SUGCT: variants seen among roughly 807,000 people sequenced by gnomAD.
SUGCT encodes succinyl-CoA:glutarate CoA-transferase.
SUGCT carries 41 observed loss-of-function variants against 55.0 expected under a neutral mutation model. The observed-to-expected ratio is 0.74, with a 90% confidence interval of 0.58 to 0.97. The LOEUF (loss-of-function observed/expected upper bound fraction) is 0.97. SUGCT is among the 50% of genes least tolerant of loss of function. The probability of loss-of-function intolerance (pLI) is 0.00; values close to 1 mark genes in which losing one functional copy is unlikely to be tolerated. For missense variants in SUGCT, 568 were observed against 547.8 expected (o/e 1.04, Z -0.37); for synonymous variants, 187 against 200.4 (o/e 0.93, Z 0.56).
At chr7:40,197,207 T>C (rs1786340915) in intron 6 of SUGCT, among the ~76,000 whole-genome samples, 1 of 152,162 alleles carries the variant, frequency 6.6e-6, no homozygotes, top group Non-Finnish European at 1.5e-5. Flanking sequence ...AGATCTCACT[T>C]TTTAAAATGT....
chr7:40,372,814 A>G (rs879865656), intron 9 of SUGCT, among the ~76,000 whole-genome samples: 5 of 152,106 alleles, frequency 3.3e-5, no homozygotes, highest in African/African-American at 4.8e-5. Context: ...TCTAAAACAA[A>G]TATGACTGAG....
Position 40,694,910 on chromosome 7 carries a change from G to A in SUGCT, c.1090-54524G>A, listed in dbSNP as rs138094554. 2.5e-3 allele frequency among the ~76,000 whole-genome samples: 375 copies of A among 152,252 alleles called. 2 individuals carry two copies. Among genetic ancestry groups the A allele is most frequent in the African/African-American group, 8.3e-3 (346 of 41,570 alleles). On this transcript the variant is annotated intron_variant, in intron 12 of 13. Coordinates refer to ENST00000335693, the MANE Select transcript of SUGCT (RefSeq NM_001193313.2). ...TGGCTAGAGATGTTTTGGGGGGATTGGATAGACCAGTATCACTTGGTGACC... is the reference window on the plus strand; with the variant it reads ...TGGCTAGAGATGTTTTGGGGGGATTAGATAGACCAGTATCACTTGGTGACC...
chr7:40,817,626 A>T (rs967713835), intron 13 of SUGCT, among the ~76,000 whole-genome samples: 2 of 152,230 alleles, frequency 1.3e-5, no homozygotes, highest in African/African-American at 4.8e-5. Flanking sequence ...CCAAAAGAAG[A>T]TAAGGTATCC....
chr7:40,446,887 A>G lies in SUGCT; in HGVS notation c.817-2400A>G, dbSNP rs143101427. On this transcript the variant is annotated intron_variant, in intron 9 of 13. Transcript: ENST00000335693. ...CAGTAGCCACTAGCCACACGTGGCT[A>G]TTGAATGCTTGATATTTAGCTAGTG... is the stretch of plus-strand genomic sequence containing the variant. 7.0e-3 allele frequency among the ~76,000 whole-genome samples: 1,064 copies of G among 152,310 alleles called. 11 individuals are homozygous for G. The highest frequency in any genetic ancestry group is 0.024 in the African/African-American group (1,018 of 41,576).
intron 12 of SUGCT, among the ~76,000 whole-genome samples, chr7:40,544,180 G>C (rs542370874): frequency 1.3e-5 from 2 of 148,836 alleles, no homozygotes; most frequent in Middle Eastern, 6.9e-3. Flanking sequence ...CCGGTGTCCT[G>C]TGTTAAGCTG....
chr7:40,847,411 C>T (rs66736943), intron 13 of SUGCT, among the ~76,000 whole-genome samples: 2,531 of 75,456 alleles, frequency 0.034, 63 homozygotes, highest in Non-Finnish European at 0.045. Flanking sequence ...TTCTTTCTTT[C>T]TTTTTTTTTT....
intron 12 of SUGCT, among the ~76,000 whole-genome samples, chr7:40,633,160 T>C (rs1799870018): frequency 6.6e-6 from 1 of 152,208 alleles, no homozygotes; most frequent in Non-Finnish European, 1.5e-5. Flanking sequence ...GAGGAGGAAT[T>C]GTGTATATCT....
chr7:40,666,539 G>A (rs913336513), intron 12 of SUGCT, among the ~76,000 whole-genome samples: 2 of 150,162 alleles, frequency 1.3e-5, no homozygotes, highest in African/African-American at 4.9e-5. Context: ...AATGAAGAAG[G>A]AAGTAGTGGG....
At chr7:40,559,199 A>C (rs1795712568) in intron 12 of SUGCT, among the ~76,000 whole-genome samples, 1 of 152,186 alleles carries the variant, frequency 6.6e-6, no homozygotes, top group South Asian at 2.1e-4. Flanking sequence ...GCTTATAGGC[A>C]AATTGGTCTC....
intron 6 of SUGCT, among the ~76,000 whole-genome samples, chr7:40,201,665 T>G (rs1786609531): frequency 6.6e-6 from 1 of 152,204 alleles, no homozygotes; most frequent in Admixed American, 6.5e-5. Context: ...CATATAAATA[T>G]AGGGTTTCAA....
At chr7:40,811,415 ATTTG>A (rs1791409159) in intron 13 of SUGCT, among the ~76,000 whole-genome samples, 1 of 151,998 alleles carries the variant, frequency 6.6e-6, no homozygotes, top group African/African-American at 2.4e-5. Flanking sequence ...ATATTTTTTC[ATTTG>A]TTTGTTTAAT....
chr7:40,532,314 A>G (rs1050467209), intron 12 of SUGCT, among the ~76,000 whole-genome samples: 7 of 152,236 alleles, frequency 4.6e-5, no homozygotes, highest in Non-Finnish European at 4.4e-5. Flanking sequence ...TTGAGTGACC[A>G]TCAGGAAGAA....
chr7:40,408,908 A>G (rs184197173), intron 9 of SUGCT, among the ~76,000 whole-genome samples: 131 of 152,244 alleles, frequency 8.6e-4, no homozygotes, highest in African/African-American at 2.9e-3. Flanking sequence ...AAAGGCCTAC[A>G]TGGTTTTGGC....
At chr7:40,978,561 A>G in the SUGCT span, among the ~76,000 whole-genome samples, 190 of 152,324 alleles carry the variant, frequency 1.2e-3, 1 homozygote, top group East Asian at 0.025. Context: ...TAGTAATTTC[A>G]TAATGTATGA....
At chr7:40,986,899 T>C in the SUGCT span, among the ~76,000 whole-genome samples, 2 of 152,140 alleles carry the variant, frequency 1.3e-5, no homozygotes, top group Non-Finnish European at 2.9e-5. Context: ...AAACCTCACC[T>C]CCTCCAGAAA....
At chr7:40,935,780 T>A in the SUGCT span, among the ~76,000 whole-genome samples, 1 of 152,224 alleles carries the variant, frequency 6.6e-6, no homozygotes, top group Non-Finnish European at 1.5e-5. Flanking sequence ...ATTACTAGGC[T>A]ATATGGTAAC....
At chr7:40,643,374 A>G (rs1800354006) in intron 12 of SUGCT, among the ~76,000 whole-genome samples, 1 of 152,052 alleles carries the variant, frequency 6.6e-6, no homozygotes, top group African/African-American at 2.4e-5. Flanking sequence ...TCTGCTTAAC[A>G]TTTTTCCAGT....
At chr7:40,188,647 C>A in intron 4 of SUGCT, 67 bp downstream of exon 4, 1 of 949,836 alleles carries the variant, frequency 1.1e-6, no homozygotes, top group Non-Finnish European at 1.6e-6. Context: ...CTGTTGATAT[C>A]ATTGTGGCTT....
intron 9 of SUGCT, among the ~76,000 whole-genome samples, chr7:40,362,755 GT>G (rs970216770): frequency 2.6e-5 from 4 of 152,080 alleles, no homozygotes; most frequent in Non-Finnish European, 1.5e-5. Flanking sequence ...CAACTCAGTG[GT>G]TTTTTTGTAT....
Sources: gnomAD v4.1 joint callset for allele counts (sites outside exome capture counted in the v4.1 genomes callset) on GRCh38, gnomAD v4.1.1 for gene constraint, MANE v1.5 for transcripts, NCBI Gene and HGNC (gene_info 2026-07-23, HGNC 2026-07-21) for gene names.